Variants in SLC15A5 observed in about 807,000 individuals in gnomAD.
SLC15A5 encodes solute carrier family 15 member 5.
SLC15A5 carries 58 observed loss-of-function variants against 56.1 expected under a neutral mutation model. That is an observed-to-expected ratio of 1.03 (90% CI 0.84 to 1.29). The LOEUF (loss-of-function observed/expected upper bound fraction) is 1.29. Among genes scored for constraint, SLC15A5 ranks in the 50% most tolerant of loss-of-function variants. The pLI, the probability that SLC15A5 is intolerant of heterozygous loss-of-function variation, is 0.00. For missense variants in SLC15A5, 681 were observed against 672.1 expected (o/e 1.01, Z -0.15); for synonymous variants, 264 against 250.5 (o/e 1.05, Z -0.51).
chr12:16,206,120 G>A (rs1275095269), intron 7 of SLC15A5, among the ~76,000 whole-genome samples: 1 of 152,116 alleles, frequency 6.6e-6, no homozygotes, highest in African/African-American at 2.4e-5. Flanking sequence ...CTGTCTCCAG[G>A]GTGGATGTGC....
intron 2 of SLC15A5, among the ~76,000 whole-genome samples, chr12:16,261,199 A>C (rs919749118): frequency 2.0e-5 from 3 of 152,060 alleles, no homozygotes; most frequent in Non-Finnish European, 4.4e-5. Flanking sequence ...TTGCTTCTAA[A>C]GCTCAGTCAC....
chr12:16,213,841 G>T (rs1864105800), intron 7 of SLC15A5, among the ~76,000 whole-genome samples: 1 of 152,022 alleles, frequency 6.6e-6, no homozygotes, highest in Admixed American at 6.6e-5. Context: ...CCTTTCATGG[G>T]CACCAAATTG....
rs1050753323 is a variant in SLC15A5, at chr12:16,247,281, A to G, written c.755-2481T>C. Among the ~76,000 whole-genome samples the G allele has an allele frequency of 5.9e-5, 9 of 152,216 alleles. No individual in the cohort carries two copies. The South Asian group carries it at 6.2e-4, about 10-fold the overall frequency. Reference sequence around the variant, plus strand: ...AAAACAAAATGGTCAAGAAAGAAGAAATGAGAACATATGAATGAGGTCTAA... The same window carrying G: ...AAAACAAAATGGTCAAGAAAGAAGAGATGAGAACATATGAATGAGGTCTAA... On this transcript the variant is annotated intron_variant, in intron 3 of 8. Coordinates refer to ENST00000344941, the MANE Select transcript of SLC15A5 (RefSeq NM_001170798.1).
chr12:16,202,267 G>T (rs557098212), intron 7 of SLC15A5, among the ~76,000 whole-genome samples: 1 of 152,042 alleles, frequency 6.6e-6, no homozygotes, highest in African/African-American at 2.4e-5. Context: ...AACCCAAATA[G>T]CTAATCGAAA....
At chr12:16,216,138 C>T (rs997457444) in intron 7 of SLC15A5, among the ~76,000 whole-genome samples, 18 of 152,098 alleles carry the variant, frequency 1.2e-4, no homozygotes, top group African/African-American at 4.1e-4. Context: ...AGAGAATACA[C>T]TTGTGATCAT....
intron 5 of SLC15A5, among the ~76,000 whole-genome samples, chr12:16,233,509 C>G (rs1591650223): frequency 6.6e-6 from 1 of 152,180 alleles, no homozygotes; most frequent in African/African-American, 2.4e-5. Context: ...TCTTACCATG[C>G]AGGTCATACA....
At chr12:16,256,881 A>C (rs1864580086) in intron 3 of SLC15A5, among the ~76,000 whole-genome samples, 2 of 146,482 alleles carry the variant, frequency 1.4e-5, no homozygotes, top group Non-Finnish European at 3.0e-5. Context: ...TAATAATAAT[A>C]ATAAATTAAA....
chr12:16,265,605 A>G (rs1050673657), intron 2 of SLC15A5, among the ~76,000 whole-genome samples: 1 of 152,076 alleles, frequency 6.6e-6, no homozygotes, highest in Non-Finnish European at 1.5e-5. Flanking sequence ...CAGCCTCCCG[A>G]GTAGCTGGCA....
intron 7 of SLC15A5, among the ~76,000 whole-genome samples, chr12:16,202,267 G>C (rs557098212): frequency 1.7e-4 from 26 of 152,160 alleles, no homozygotes; most frequent in South Asian, 1.7e-3. Flanking sequence ...AACCCAAATA[G>C]CTAATCGAAA....
chr12:16,238,931 G>C (rs1799502), intron 5 of SLC15A5, among the ~76,000 whole-genome samples: 144,897 of 152,268 alleles, frequency 0.95, 68,992 homozygotes, highest in East Asian at 0.99. Flanking sequence ...AAAAGTTTTA[G>C]AGAACAAAAT....
intron 5 of SLC15A5, among the ~76,000 whole-genome samples, chr12:16,234,671 C>CAGACAAG (rs1469812996): frequency 6.6e-6 from 1 of 152,102 alleles, no homozygotes; most frequent in Non-Finnish European, 1.5e-5. Flanking sequence ...TGTGTGGTTG[C>CAGACAAG]AGACAAGTCC....
chr12:16,214,508 C>T (rs927951610), intron 7 of SLC15A5, among the ~76,000 whole-genome samples: 7 of 152,250 alleles, frequency 4.6e-5, no homozygotes, highest in Non-Finnish European at 1.0e-4. Flanking sequence ...ATATACCAGC[C>T]CAACTTCTGG....
chr12:16,190,381 T>C (rs1214057079), intron 8 of SLC15A5, among the ~76,000 whole-genome samples: 1 of 152,166 alleles, frequency 6.6e-6, no homozygotes, highest in African/African-American at 2.4e-5. Context: ...TTAAGGTTCA[T>C]AGAAATAGTA....
chr12:16,273,880 A>C (rs1340261982), intron 1 of SLC15A5, among the ~76,000 whole-genome samples: 2 of 150,130 alleles, frequency 1.3e-5, no homozygotes, highest in Non-Finnish European at 3.0e-5. Context: ...GATCATCTTT[A>C]CATATATAAT....
chr12:16,255,772 C>T (rs1432284054), intron 3 of SLC15A5, among the ~76,000 whole-genome samples: 1 of 150,250 alleles, frequency 6.7e-6, no homozygotes, highest in Non-Finnish European at 1.5e-5. Context: ...ATAAAATGAT[C>T]CCTAAACTAT....
rs1014100727 is a variant in SLC15A5 at position 16,234,203 on chromosome 12, A to G, written c.1162+5478T>C. 7.2e-5 allele frequency among the ~76,000 whole-genome samples: 11 copies of G among 152,232 alleles called. 1 individual carries two copies. The highest frequency in any genetic ancestry group is 3.4e-3 in the Middle Eastern group (1 of 294). On this transcript the variant is annotated intron_variant, in intron 5 of 8. Transcript: ENST00000344941. ...GAATTCTATCAAGACCTTTTATAAG[A>G]GCACCTAATCCCATTTATGACAGTG...
intron 7 of SLC15A5, among the ~76,000 whole-genome samples, chr12:16,195,887 T>A (rs1175534969): frequency 6.6e-6 from 1 of 152,132 alleles, no homozygotes; most frequent in East Asian, 1.9e-4. Context: ...ACTATTACTA[T>A]GGATCAGCAA....
chr12:16,233,407 C>A (rs1048518765), intron 5 of SLC15A5, among the ~76,000 whole-genome samples: 1 of 152,068 alleles, frequency 6.6e-6, no homozygotes, highest in Non-Finnish European at 1.5e-5. Context: ...AAAATTATTT[C>A]TTTTGGAAGG....
intron 6 of SLC15A5, 146 bp from the exon 7 acceptor site, chr12:16,217,170 T>G: frequency 1.3e-6 from 1 of 743,130 alleles, no homozygotes; most frequent in Non-Finnish European, 2.1e-6. Flanking sequence ...GTTACTATAG[T>G]AAGATATACT....
Sources: gnomAD v4.1 joint callset for allele counts (sites outside exome capture counted in the v4.1 genomes callset) on GRCh38, gnomAD v4.1.1 for gene constraint, MANE v1.5 for transcripts, NCBI Gene and HGNC (gene_info 2026-07-23, HGNC 2026-07-21) for gene names.